The following SBF2 variants were observed in gnomAD, a reference collection of about 807,000 sequenced individuals.
SBF2 encodes SET binding factor 2.
A neutral mutation model predicts 225.2 loss-of-function variants in SBF2; 112 were observed. That is an observed-to-expected ratio of 0.50 (90% CI 0.43 to 0.58). The LOEUF is 0.58. Ranked by LOEUF, SBF2 falls within the 20% of genes least tolerant of loss-of-function variation. The pLI is 0.00. For missense variants in SBF2, 1,996 were observed against 2,206.2 expected, an observed-to-expected ratio of 0.90 and a Z score of 1.91; for synonymous variants, 763 against 773.3, an observed-to-expected ratio of 0.99 and a Z score of 0.22.
chr11:10,138,821 T>A (rs1135374), intron 2 of SBF2, among the ~76,000 whole-genome samples: 11,585 of 152,172 alleles, frequency 0.076, 626 homozygotes, highest in East Asian at 0.28. Context: ...TTTAAAAAAA[T>A]TTTTCAGATT....
At chr11:9,817,063 T>C in intron 28 of SBF2, 39 bp from the exon 29 acceptor site, 2 of 1,608,894 alleles carry the variant, frequency 1.2e-6, no homozygotes, top group East Asian at 2.2e-5. Context: ...GATAATCTAA[T>C]GTGGGAATGC....
rs184190746 is a variant in SBF2, at chr11:9,879,842, G to A, written c.1929+16101C>T. ...TTAGTGTCTGTAATCCCAGCACTTT[G>A]GGAGGCCAAGATGGGCGGATCACTT... On this transcript the variant is annotated intron_variant, in intron 17 of 39. Coordinates refer to ENST00000256190, the MANE Select transcript of SBF2 (RefSeq NM_030962.4). Among the ~76,000 whole-genome samples the A allele has an allele frequency of 2.6e-3, 393 of 152,168 alleles. 2 individuals carry two copies. The highest frequency in any genetic ancestry group is 9.0e-3 in the African/African-American group (375 of 41,510).
intron 36 of SBF2, among the ~76,000 whole-genome samples, chr11:9,786,239 G>A (rs1375815383): frequency 6.6e-6 from 1 of 152,156 alleles, no homozygotes; most frequent in Non-Finnish European, 1.5e-5. Context: ...AAAATAGTAT[G>A]TCTAGAAAAT....
intron 2 of SBF2, among the ~76,000 whole-genome samples, chr11:10,046,345 C>T (rs72858863): frequency 0.087 from 13,187 of 152,124 alleles, 826 homozygotes; most frequent in Non-Finnish European, 0.12. Flanking sequence ...AATTATTGAC[C>T]AATATTGCTC....
intron 16 of SBF2, among the ~76,000 whole-genome samples, chr11:9,940,005 G>A (rs1865155249): frequency 6.6e-6 from 1 of 152,078 alleles, no homozygotes; most frequent in African/African-American, 2.4e-5. Context: ...GATATTATAT[G>A]CTTGAAGTAA....
chr11:10,289,593 C>T (rs1418861439), intron 1 of SBF2, among the ~76,000 whole-genome samples: 1 of 152,098 alleles, frequency 6.6e-6, no homozygotes, highest in African/African-American at 2.4e-5. Context: ...GCCCTGGGCC[C>T]AGCCCTTGGG....
chr11:9,949,863 A>G (rs933560695), intron 16 of SBF2, among the ~76,000 whole-genome samples: 3 of 152,208 alleles, frequency 2.0e-5, no homozygotes, highest in African/African-American at 7.2e-5. Context: ...ATACACATGT[A>G]GTAAACAATA....
rs532274659 is a variant in SBF2, at chr11:10,214,613, ACT to A, written c.56-20628_56-20627del. 3.0e-4 allele frequency among the ~76,000 whole-genome samples: 46 copies of A among 152,114 alleles called. No homozygotes were observed. In the South Asian group the frequency reaches 5.4e-3, roughly 18 times the overall value. On this transcript the variant is annotated intron_variant, in intron 1 of 39. Transcript: ENST00000256190. ...ACTCCAGCCTGGGCGACAGAGAAAGACTCTGTCTAAAAAATACAAAAAACAAA... is the reference window on the plus strand; with the variant it reads ...ACTCCAGCCTGGGCGACAGAGAAAGACTGTCTAAAAAATACAAAAAACAAA...
chr11:10,104,069 AGAGT>A (rs1324845283), intron 2 of SBF2, among the ~76,000 whole-genome samples: 1 of 151,542 alleles, frequency 6.6e-6, no homozygotes, highest in Non-Finnish European at 1.5e-5. Context: ...CTGGGGCAAA[AGAGT>A]GAGACCCTGT....
chr11:9,828,321 C>T, intron 28 of SBF2: 1 of 1,206,060 alleles, frequency 8.3e-7, no homozygotes, highest in Non-Finnish European at 1.1e-6. Flanking sequence ...TTAACTGCTG[C>T]CAAACATTGT....
intron 27 of SBF2, among the ~76,000 whole-genome samples, chr11:9,830,422 G>A (rs1024085345): frequency 6.6e-6 from 1 of 152,066 alleles, no homozygotes; most frequent in African/African-American, 2.4e-5. Context: ...CACATCAATT[G>A]TAAGATGCAT....
At chr11:10,114,717 T>C (rs1953047460) in intron 2 of SBF2, among the ~76,000 whole-genome samples, 1 of 152,276 alleles carries the variant, frequency 6.6e-6, no homozygotes, top group South Asian at 2.1e-4. Context: ...AGGTTTTCCA[T>C]TATGATCCCA....
chr11:10,230,647 C>A (rs932458643), intron 1 of SBF2, among the ~76,000 whole-genome samples: 1 of 152,200 alleles, frequency 6.6e-6, no homozygotes, highest in East Asian at 1.9e-4. Context: ...CCCTCAGTTT[C>A]TTTTGGCTTG....
intron 2 of SBF2, among the ~76,000 whole-genome samples, chr11:10,178,391 T>C (rs954024852): frequency 1.4e-5 from 2 of 142,972 alleles, no homozygotes; most frequent in Non-Finnish European, 3.0e-5. Flanking sequence ...GAAACTACCA[T>C]CAGAGTGAAC....
chr11:10,176,751 G>C (rs574157873), intron 2 of SBF2, among the ~76,000 whole-genome samples: 97 of 152,106 alleles, frequency 6.4e-4, no homozygotes, highest in Non-Finnish European at 8.7e-4. Context: ...CAGCCGAATT[G>C]TACCAGAGGT....
chr11:9,929,677 C>A (rs1031701911), intron 16 of SBF2, among the ~76,000 whole-genome samples: 1 of 152,162 alleles, frequency 6.6e-6, no homozygotes, highest in Non-Finnish European at 1.5e-5. Context: ...AAAAGTTGAA[C>A]AAATTGGGCT....
At chr11:10,253,550 C>A (rs560244146) in intron 1 of SBF2, among the ~76,000 whole-genome samples, 1 of 152,242 alleles carries the variant, frequency 6.6e-6, no homozygotes, top group South Asian at 2.1e-4. Flanking sequence ...ATCTCTAAAT[C>A]ACAGACTCTA....
chr11:10,154,364 T>C (rs1565292211), intron 2 of SBF2, among the ~76,000 whole-genome samples: 2 of 152,152 alleles, frequency 1.3e-5, no homozygotes, highest in Admixed American at 1.3e-4. Context: ...AAAATCCCTA[T>C]GAAATAGTTT....
chr11:10,272,432 C>A (rs1457142508), intron 1 of SBF2, among the ~76,000 whole-genome samples: 1 of 152,218 alleles, frequency 6.6e-6, no homozygotes, highest in Non-Finnish European at 1.5e-5. Context: ...GCCACAAGTA[C>A]AAACAACCCT....
Sources: gnomAD v4.1 joint callset for allele counts (sites outside exome capture counted in the v4.1 genomes callset) on GRCh38, gnomAD v4.1.1 for gene constraint, MANE v1.5 for transcripts, NCBI Gene and HGNC (gene_info 2026-07-23, HGNC 2026-07-21) for gene names.